TEX14: variants seen among roughly 807,000 people sequenced by gnomAD.
The protein encoded by TEX14 is testis expressed 14, intercellular bridge forming factor.
A neutral mutation model predicts 178.6 loss-of-function variants in TEX14; 168 were observed. The observed-to-expected ratio is 0.94, with a 90% CI of 0.83 to 1.07. The LOEUF (loss-of-function observed/expected upper bound fraction) is 1.07, where lower values mean the gene tolerates loss of function less well. TEX14 is among the 50% of genes least tolerant of loss of function. The pLI is 0.00. For synonymous variants in TEX14, 626 were observed against 634.1 expected, an observed-to-expected ratio of 0.99 and a Z score of 0.19; for missense variants, 1,730 against 1,753.6, an observed-to-expected ratio of 0.99 and a Z score of 0.24.
At chr17:58,645,067 C>T (rs2046671742) in intron 2 of TEX14, among the ~76,000 whole-genome samples, 1 of 149,618 alleles carries the variant, frequency 6.7e-6, no homozygotes, top group Non-Finnish European at 1.5e-5. Context: ...CTCACTGCAA[C>T]CTCCGCCTCC....
intron 1 of TEX14, among the ~76,000 whole-genome samples, chr17:58,683,539 G>C (rs1371063569): frequency 6.6e-6 from 1 of 151,184 alleles, no homozygotes; most frequent in Admixed American, 6.6e-5. Context: ...GAGGCAGGCG[G>C]ATAACCTGAG....
chr17:58,584,339 A>C (rs184940316), intron 19 of TEX14, among the ~76,000 whole-genome samples, 161 bp downstream of exon 19: 1 of 152,334 alleles, frequency 6.6e-6, no homozygotes, highest in Non-Finnish European at 1.5e-5. Context: ...ATCAGACAGG[A>C]GGAAAGATTA....
In TEX14 at chr17:58,600,247, G is replaced by A. The variant is rs1036333057; in HGVS notation, c.1679-581C>T. ...ATCTGATAACAGTAGCCTAGGGCCA[G>A]GCGTGGTGGTTCACGCCTGTAATCC... On this transcript the variant is annotated intron_variant, in intron 13 of 31. Coordinates refer to ENST00000349033, the MANE Select transcript of TEX14 (RefSeq NM_031272.5). 4.4e-4 allele frequency among the ~76,000 whole-genome samples: 67 copies of A among 152,202 alleles called. 1 individual carries two copies. The highest frequency in any genetic ancestry group is 1.3e-4 in the Admixed American group (2 of 15,286).
intron 2 of TEX14, among the ~76,000 whole-genome samples, chr17:58,635,622 G>A (rs941744615): frequency 6.6e-6 from 1 of 151,964 alleles, no homozygotes; most frequent in African/African-American, 2.4e-5. Context: ...TAGATACAGG[G>A]TTTCACCATG....
chr17:58,592,581 G>A (rs1408121603), intron 15 of TEX14, among the ~76,000 whole-genome samples: 1 of 150,226 alleles, frequency 6.7e-6, no homozygotes, highest in Admixed American at 6.7e-5. Flanking sequence ...TGATCTGCCT[G>A]CCTTGGCCTC....
chr17:58,598,827 T>C (rs747501176), intron 14 of TEX14, 49 bp downstream of exon 14: 12 of 1,496,568 alleles, frequency 8.0e-6, no homozygotes, highest in Non-Finnish European at 1.1e-5. Flanking sequence ...CCACAACCAT[T>C]TCTTTTCCTG....
At position 58,557,823 on chromosome 17, in the gene TEX14, C is replaced by G. The variant is rs779712862; in HGVS notation, c.4295G>C (p.Arg1432Pro). ...EDELKSCFWK[R>P]LGWSESSRII... Reference sequence around the variant, plus strand: ...CCTGGATGATTCGGACCAACCTAGTCGCTTCCAAAAACAGGATTTTAGTTC... The same window carrying G: ...CCTGGATGATTCGGACCAACCTAGTGGCTTCCAAAAACAGGATTTTAGTTC... Residue 1432 changes from arginine to proline, a missense_variant, in exon 31 of 32, where the codon CGA becomes CCA. Arg to Pro is a moderately radical substitution (Grantham distance 103, BLOSUM62 -2). Around this residue, in one of 2 missense-constraint regions of TEX14, gnomAD observed 941 missense variants for 1,072.4 expected, o/e 0.88. Coordinates refer to ENST00000349033, the MANE Select transcript of TEX14 (RefSeq NM_031272.5). The G allele has an allele frequency of 6.2e-7, 1 of 1,611,812 alleles. No homozygotes were observed.
chr17:58,612,689 C>A (rs1031601849), intron 9 of TEX14, among the ~76,000 whole-genome samples: 16 of 143,370 alleles, frequency 1.1e-4, no homozygotes, highest in Admixed American at 1.0e-3. Context: ...GAGCAGAGAT[C>A]GTGCCACTGT....
intron 2 of TEX14, among the ~76,000 whole-genome samples, chr17:58,650,636 A>T (rs990318456): frequency 2.6e-5 from 4 of 151,542 alleles, no homozygotes; most frequent in African/African-American, 9.7e-5. Flanking sequence ...TTTATTTTTT[A>T]TTTTTTGTAG....
intron 20 of TEX14, among the ~76,000 whole-genome samples, chr17:58,579,286 T>G (rs1313133975): frequency 6.6e-6 from 1 of 152,238 alleles, no homozygotes; most frequent in Non-Finnish European, 1.5e-5. Flanking sequence ...AATTTTGTTA[T>G]GTTAATAACT....
intron 8 of TEX14, among the ~76,000 whole-genome samples, 169 bp from the exon 9 acceptor site, chr17:58,613,713 T>C (rs1489065968): frequency 6.6e-6 from 1 of 152,022 alleles, no homozygotes; most frequent in East Asian, 1.9e-4. Flanking sequence ...CAGTCTGGAG[T>C]GCAGTGGGGT....
intron 2 of TEX14, among the ~76,000 whole-genome samples, chr17:58,651,275 C>G (rs1488687496): frequency 6.6e-6 from 1 of 151,938 alleles, no homozygotes; most frequent in Non-Finnish European, 1.5e-5. Flanking sequence ...GACTCTGTCT[C>G]CAAAAGAAAA....
intron 2 of TEX14, 123 bp from the exon 3 acceptor site, chr17:58,630,677 T>C: frequency 1.6e-6 from 1 of 640,998 alleles, no homozygotes; most frequent in Admixed American, 2.8e-5. Flanking sequence ...GAGCTTTTTT[T>C]TAAAAAAAGT....
At position 58,611,172 on chromosome 17, in the gene TEX14, G is replaced by T. The variant is rs376459657; in HGVS notation, c.1173C>A (p.Tyr391Ter). ...CATGTTATGCCCACCTTTCCAACAT[G>T]TACTCCAGGTTGGTCAGCCTCGCTT... The part of the protein sequence containing the change: ...PGEARLTNLE[Y>*]MLESEDRGVQ... The change falls in exon 10 of 32, where the codon TAC becomes TAA. Residue 391 changes from tyrosine to a stop codon, truncating the protein, a stop_gained. Transcript: ENST00000349033. LOFTEE classifies it high-confidence loss of function. 3.1e-6 allele frequency: 5 copies of T among 1,613,206 alleles called. No individual in the cohort carries two copies. In the Middle Eastern group the frequency reaches 4.9e-4, roughly 159 times the overall value.
chr17:58,561,978 G>A (rs955940616), intron 28 of TEX14, among the ~76,000 whole-genome samples: 13 of 152,102 alleles, frequency 8.5e-5, no homozygotes, highest in South Asian at 2.1e-4. Context: ...CCAGCCACCC[G>A]GGAGGCTGAG....
intron 14 of TEX14, among the ~76,000 whole-genome samples, chr17:58,597,269 C>T (rs2045309358): frequency 6.6e-6 from 1 of 151,764 alleles, no homozygotes; most frequent in Non-Finnish European, 1.5e-5. Context: ...CATGGTGGCA[C>T]GTGACTGTAG....
intron 28 of TEX14, among the ~76,000 whole-genome samples, chr17:58,563,534 C>T (rs1321537615): frequency 1.3e-5 from 2 of 149,042 alleles, no homozygotes; most frequent in Non-Finnish European, 3.0e-5. Context: ...CACCTGTAGT[C>T]CCAGCTACTT....
At chr17:58,607,528 C>G (rs2045638609) in intron 10 of TEX14, among the ~76,000 whole-genome samples, 1 of 152,176 alleles carries the variant, frequency 6.6e-6, no homozygotes, top group Non-Finnish European at 1.5e-5. Context: ...GTGTCTCTAA[C>G]CAATCAATTG....
In TEX14 at chr17:58,577,378, C is replaced by A; in HGVS notation, c.3317G>T (p.Arg1106Leu). Residue 1106 changes from arginine (R) to leucine (L), a missense_variant, in exon 21 of 32, where the codon CGA becomes CTA. Physicochemically the swap from Arg to Leu is moderately radical, Grantham distance 102 (BLOSUM62 -2). Coordinates refer to ENST00000349033, the MANE Select transcript of TEX14 (RefSeq NM_031272.5). ...ATAAGATAATAATAGCCCATACCTTCGTACAGGTTGAAATTGAGACCTGGG... is the reference window on the plus strand; with the variant it reads ...ATAAGATAATAATAGCCCATACCTTAGTACAGGTTGAAATTGAGACCTGGG... Reference protein sequence around the residue: ...ILPRSQFQPVRSTEDEQEETS... With the variant: ...ILPRSQFQPVLSTEDEQEETS... 1 of 1,421,728 alleles carries A rather than the reference C, an allele frequency of 7.0e-7. No homozygotes were observed. Among genetic ancestry groups the A allele is most frequent in the Non-Finnish European group, 9.5e-7 (1 of 1,056,226 alleles). The allele number at this position is 1,421,728 out of a possible 1,614,324, so 88.1% of individuals were successfully genotyped here. A position where few individuals can be genotyped will look rare whatever the true frequency, so the allele number is the denominator to read the frequency against.
Sources: allele counts gnomAD v4.1 joint callset (sites outside exome capture counted in the v4.1 genomes callset), GRCh38; gene constraint gnomAD v4.1.1; regional missense constraint gnomAD v4.1.1; transcripts MANE v1.5; gene names NCBI Gene and HGNC (gene_info 2026-07-23, HGNC 2026-07-21).